Variants in LRBA observed in about 807,000 individuals in gnomAD.
LRBA encodes the protein lipopolysaccharide-responsive and beige-like anchor protein.
LRBA carries 176 observed loss-of-function variants against 330.0 expected under a neutral mutation model. The observed-to-expected ratio is 0.53, with a 90% CI of 0.47 to 0.60. The LOEUF is 0.60. Among genes scored for constraint, LRBA ranks in the 20% least tolerant of loss-of-function variants. The pLI, the probability that LRBA is intolerant of heterozygous loss-of-function variation, is 0.00. For synonymous variants in LRBA, 1,230 were observed against 1,193.0 expected, an observed-to-expected ratio of 1.03 and a Z score of -0.64; for missense variants, 3,259 against 3,444.8, an observed-to-expected ratio of 0.95 and a Z score of 1.35.
chr4:150,810,018 T>C (rs181886218), intron 31 of LRBA, among the ~76,000 whole-genome samples: 1 of 152,282 alleles, frequency 6.6e-6, no homozygotes, highest in African/African-American at 2.4e-5. Context: ...GTGCTCTTTT[T>C]GGTAAGGCAA....
intron 44 of LRBA, among the ~76,000 whole-genome samples, chr4:150,446,587 C>A (rs904904213): frequency 6.6e-6 from 1 of 152,148 alleles, no homozygotes; most frequent in Non-Finnish European, 1.5e-5. Context: ...GATATTCAAC[C>A]TCTAAAACAA....
chr4:150,437,011 G>C (rs1751204875), intron 44 of LRBA, 147 bp from the exon 45 acceptor site: 1 of 700,178 alleles, frequency 1.4e-6, no homozygotes, highest in African/African-American at 1.8e-5. Flanking sequence ...ATCATATTGG[G>C]AGTAAAAAGC....
intron 44 of LRBA, among the ~76,000 whole-genome samples, chr4:150,456,390 T>C (rs535063160): frequency 3.4e-4 from 52 of 152,286 alleles, no homozygotes; most frequent in Admixed American, 5.2e-4. Context: ...TGATAGCTCA[T>C]TGAAGCTTTG....
chr4:150,805,681 A>C lies in LRBA; in HGVS notation c.5518+590T>G, dbSNP rs1005339919. ...GGGAGAAGGAAAGGAAAAGAAACGA[A>C]AGGAAAGGAAAGGAGAAGGAGAAGG... On this transcript the variant is annotated intron_variant, in intron 33 of 56. Coordinates refer to ENST00000651943, the MANE Select transcript of LRBA (RefSeq NM_001364905.1). Among the ~76,000 whole-genome samples, 14 of 151,894 alleles carry C rather than the reference A, an allele frequency of 9.2e-5. No individual in the cohort carries two copies. In the South Asian group the frequency reaches 1.5e-3, roughly 16 times the overall value.
intron 44 of LRBA, among the ~76,000 whole-genome samples, chr4:150,445,792 G>A (rs1752549420): frequency 6.6e-6 from 1 of 151,916 alleles, no homozygotes; most frequent in Non-Finnish European, 1.5e-5. Context: ...AGCCTCCTGA[G>A]CAGCTAGGAC....
chr4:150,478,400 T>A (rs1010042383), intron 42 of LRBA, among the ~76,000 whole-genome samples: 1 of 152,148 alleles, frequency 6.6e-6, no homozygotes, highest in Non-Finnish European at 1.5e-5. Context: ...TTATTCCTAA[T>A]CCCAGTAAAT....
At chr4:150,426,203 T>C (rs11940101) in intron 46 of LRBA, among the ~76,000 whole-genome samples, 32,820 of 151,866 alleles carry the variant, frequency 0.22, 4,420 homozygotes, top group Non-Finnish European at 0.31. Context: ...TTTGTCCTAA[T>C]TTGGTAGATA....
intron 37 of LRBA, among the ~76,000 whole-genome samples, chr4:150,612,256 T>C (rs1727598866): frequency 1.3e-5 from 2 of 152,192 alleles, no homozygotes; most frequent in Admixed American, 6.5e-5. Context: ...AAATAATTTT[T>C]TAAAGTTTAC....
intron 2 of LRBA, among the ~76,000 whole-genome samples, chr4:150,965,189 T>C (rs1268676128): frequency 6.6e-6 from 1 of 152,192 alleles, no homozygotes; most frequent in Admixed American, 6.5e-5. Flanking sequence ...TAAAGATTAT[T>C]TATTGAAGTA....
At chr4:150,373,080 C>T (rs1201447013) in intron 47 of LRBA, among the ~76,000 whole-genome samples, 2 of 150,880 alleles carry the variant, frequency 1.3e-5, no homozygotes, top group Admixed American at 6.6e-5. Flanking sequence ...CTCGGTCATA[C>T]ATTCAGATGA....
At chr4:150,807,793 G>A (rs560596997) in intron 32 of LRBA, among the ~76,000 whole-genome samples, 101 of 152,062 alleles carry the variant, frequency 6.6e-4, no homozygotes, top group Non-Finnish European at 1.2e-3. Context: ...CTAAAGGTGT[G>A]CACCACCACA....
At chr4:150,603,091 C>T (rs922422010) in intron 37 of LRBA, among the ~76,000 whole-genome samples, 1 of 152,124 alleles carries the variant, frequency 6.6e-6, no homozygotes, top group South Asian at 2.1e-4. Context: ...AGAGGTTAGC[C>T]TAAGTTTTAG....
At position 150,914,193 on chromosome 4, in the gene LRBA, A is replaced by G; in HGVS notation, c.1161+2T>C. ...TTAAGCACAAAACAGTAAGCAAACT[A>G]CCTTGTATCCCAGGCCCAACTGATA... On this transcript the variant is annotated splice_donor_variant, in intron 9 of 56. Transcript: ENST00000651943. LOFTEE classifies it high-confidence loss of function. 1 of 1,604,444 alleles carries G rather than the reference A, an allele frequency of 6.2e-7. No homozygotes were observed.
intron 47 of LRBA, among the ~76,000 whole-genome samples, chr4:150,410,087 T>C (rs1746751873): frequency 1.3e-5 from 2 of 152,116 alleles, no homozygotes. Context: ...GCATTTCAAT[T>C]CCAAAAATTT....
chr4:150,426,502 T>G (rs1047601499), intron 46 of LRBA, among the ~76,000 whole-genome samples: 1 of 151,982 alleles, frequency 6.6e-6, no homozygotes, highest in South Asian at 2.1e-4. Context: ...TCTGTGACCC[T>G]TACTCACCTC....
intron 12 of LRBA, 47 bp from the exon 13 acceptor site, chr4:150,906,037 A>G (rs1291155531): frequency 6.4e-7 from 1 of 1,558,808 alleles, no homozygotes; most frequent in South Asian, 1.1e-5. Context: ...AAGTCAAAGT[A>G]AGTGAATTAC....
chr4:150,982,312 C>T (rs1740937646), intron 2 of LRBA, among the ~76,000 whole-genome samples: 1 of 152,048 alleles, frequency 6.6e-6, no homozygotes, highest in African/African-American at 2.4e-5. Flanking sequence ...GTGAGGAAAT[C>T]AATATATAGC....
intron 2 of LRBA, among the ~76,000 whole-genome samples, chr4:150,997,643 C>T (rs1243670019): frequency 6.6e-6 from 1 of 151,486 alleles, no homozygotes; most frequent in African/African-American, 2.4e-5. Context: ...AAGTGTGTAG[C>T]GGTTGGGGAA....
intron 17 of LRBA, among the ~76,000 whole-genome samples, chr4:150,885,169 C>A: frequency 1.5e-5 from 2 of 135,758 alleles, no homozygotes; most frequent in South Asian, 2.3e-4. Flanking sequence ...TAGGACAATA[C>A]AGTGTTCCAA....
Sources: allele counts gnomAD v4.1 joint callset (sites outside exome capture counted in the v4.1 genomes callset), GRCh38; gene constraint gnomAD v4.1.1; transcripts MANE v1.5; gene names NCBI Gene and HGNC (gene_info 2026-07-23, HGNC 2026-07-21).